Variants in XKR6 observed in about 807,000 individuals in gnomAD.
XKR6 encodes XK-related protein 6.
Under a neutral mutation model 56.7 loss-of-function variants are expected in XKR6, and 22 were observed. The observed-to-expected ratio is 0.39, with a 90% CI of 0.28 to 0.55. XKR6 has a LOEUF of 0.55. XKR6 is among the 20% of genes least tolerant of loss of function. The probability of loss-of-function intolerance (pLI) is 0.66; values close to 1 mark genes in which losing one functional copy is unlikely to be tolerated. For missense variants in XKR6, 852 were observed against 889.0 expected, an observed-to-expected ratio of 0.96 and a Z score of 0.53; for synonymous variants, 524 against 387.8, an observed-to-expected ratio of 1.35 and a Z score of -4.13.
At chr8:11,070,343 A>G (rs1800084513) in intron 1 of XKR6, among the ~76,000 whole-genome samples, 1 of 152,222 alleles carries the variant, frequency 6.6e-6, no homozygotes, top group South Asian at 2.1e-4. Context: ...CACTTCACTG[A>G]AAAAAATATT....
intron 1 of XKR6, chr8:11,195,063 TATCTCTGTCTCA>T (rs1186039293): frequency 4.3e-6 from 3 of 692,590 alleles, no homozygotes; most frequent in Non-Finnish European, 7.9e-6. Flanking sequence ...CTGGAGGAAG[TATCTCTGTCTCA>T]ATTTAACCCA....
intron 1 of XKR6, among the ~76,000 whole-genome samples, chr8:10,978,354 A>G (rs925658595): frequency 3.3e-5 from 5 of 152,242 alleles, no homozygotes; most frequent in African/African-American, 1.2e-4. Context: ...GAGAAACTTA[A>G]TATAACATTC....
At chr8:10,942,713 A>C (rs1476064332) in intron 1 of XKR6, among the ~76,000 whole-genome samples, 1 of 152,190 alleles carries the variant, frequency 6.6e-6, no homozygotes, top group Non-Finnish European at 1.5e-5. Flanking sequence ...TTGCCGCCAA[A>C]GCACTCGCGA....
At position 11,115,711 on chromosome 8, in the gene XKR6, G is replaced by C. The variant is rs183170537; in HGVS notation, c.764+84865C>G. On this transcript the variant is annotated intron_variant, in intron 1 of 2. Transcript: ENST00000416569. Reference sequence around the variant, plus strand: ...TTCATCTTAACCCATTTCTGCCTAGGGTCCCATTACTGCAACGCTAAGCTT... The same window carrying C: ...TTCATCTTAACCCATTTCTGCCTAGCGTCCCATTACTGCAACGCTAAGCTT... Among the ~76,000 whole-genome samples, 762 of 152,150 alleles carry C rather than the reference G, an allele frequency of 5.0e-3. 3 individuals carry two copies. Among genetic ancestry groups the C allele is most frequent in the Non-Finnish European group, 8.4e-3 (570 of 68,014 alleles).
chr8:11,187,417 G>A (rs896121877), intron 1 of XKR6, among the ~76,000 whole-genome samples: 1 of 152,126 alleles, frequency 6.6e-6, no homozygotes, highest in Non-Finnish European at 1.5e-5. Flanking sequence ...CACCATCGCT[G>A]ATTCAAAAAC....
At chr8:11,019,802 C>G (rs572592933) in intron 1 of XKR6, among the ~76,000 whole-genome samples, 16 of 152,178 alleles carry the variant, frequency 1.1e-4, no homozygotes, top group Non-Finnish European at 2.1e-4. Flanking sequence ...ATCAGGCACC[C>G]GTGAGGCTCA....
chr8:11,011,473 GTTCA>G (rs779106417), intron 1 of XKR6, among the ~76,000 whole-genome samples: 2 of 152,154 alleles, frequency 1.3e-5, no homozygotes, highest in African/African-American at 4.8e-5. Flanking sequence ...TTTTTTATTT[GTTCA>G]TTCATTCATT....
intron 1 of XKR6, chr8:11,174,915 T>G (rs1415072322): frequency 6.6e-6 from 1 of 152,184 alleles, no homozygotes; most frequent in Non-Finnish European, 1.5e-5. Context: ...TCCACAGTAA[T>G]TTAGAATTAC....
Position 11,063,782 on chromosome 8 carries a change from C to G in XKR6, c.764+136794G>C, listed in dbSNP as rs150091858. 1.4e-3 allele frequency among the ~76,000 whole-genome samples: 215 copies of G among 152,286 alleles called. 2 individuals carry two copies. The highest frequency in any genetic ancestry group is 4.9e-3 in the African/African-American group (203 of 41,564). ...ACATTTTTTGGAATCCCCCCATTCT[C>G]TTTCCCACCTGCAACTTGCACCTGG... On this transcript the variant is annotated intron_variant, in intron 1 of 2. Transcript: ENST00000416569.
chr8:11,050,719 G>A (rs1417500398), intron 1 of XKR6, among the ~76,000 whole-genome samples: 5 of 152,068 alleles, frequency 3.3e-5, no homozygotes, highest in South Asian at 2.1e-4. Flanking sequence ...AAGGGCTTCC[G>A]TTTTCTACCA....
chr8:11,170,236 T>C (rs755210998), intron 1 of XKR6, among the ~76,000 whole-genome samples: 5 of 152,214 alleles, frequency 3.3e-5, no homozygotes, highest in African/African-American at 4.8e-5. Context: ...ACACAAAGCC[T>C]TGTTACAGGA....
intron 1 of XKR6, among the ~76,000 whole-genome samples, chr8:10,984,730 C>CTATATATATATATATATATATA (rs1292575640): frequency 1.3e-4 from 8 of 63,672 alleles, no homozygotes; most frequent in Non-Finnish European, 2.7e-4. Context: ...CTCTCTCTCT[C>CTATATATATATATATATATATA]TCTATATATA....
chr8:11,102,706 G>A (rs1023626672), intron 1 of XKR6, among the ~76,000 whole-genome samples: 1 of 152,140 alleles, frequency 6.6e-6, no homozygotes, highest in Non-Finnish European at 1.5e-5. Context: ...GTTTCCATCA[G>A]GCAAGAGGAA....
At chr8:10,978,994 A>G (rs1319323002) in intron 1 of XKR6, among the ~76,000 whole-genome samples, 1 of 152,002 alleles carries the variant, frequency 6.6e-6, no homozygotes, top group African/African-American at 2.4e-5. Context: ...GCCCAGACCC[A>G]TCTGTCCACC....
In XKR6 at chr8:11,187,881, G is replaced by C. The variant is rs574125423; in HGVS notation, c.764+12695C>G. 7.2e-5 allele frequency among the ~76,000 whole-genome samples: 11 copies of C among 152,296 alleles called. No homozygotes were observed. In the South Asian group the frequency reaches 1.9e-3, roughly 26 times the overall value. On this transcript the variant is annotated intron_variant, in intron 1 of 2. Transcript: ENST00000416569. ...ATGAACATGTCCCAGGATAAAATAA[G>C]GCCCCTACAATCATCTGAGTATAAT...
chr8:11,037,782 C>A lies in XKR6; in HGVS notation c.765-112952G>T, dbSNP rs545590742. Among the ~76,000 whole-genome samples, 6 of 151,530 alleles carry A rather than the reference C, an allele frequency of 4.0e-5. No homozygotes were observed. The South Asian group carries it at 1.0e-3, about 26-fold the overall frequency. On this transcript the variant is annotated intron_variant, in intron 1 of 2. Transcript: ENST00000416569. ...CTAAGGCAGGAGATTCGTTTGAACCCAGAAGGCAGAGCTTGCACTGAGCCG... is the reference window on the plus strand; with the variant it reads ...CTAAGGCAGGAGATTCGTTTGAACCAAGAAGGCAGAGCTTGCACTGAGCCG...
intron 1 of XKR6, among the ~76,000 whole-genome samples, chr8:11,002,745 A>C (rs6601546): frequency 0.48 from 72,992 of 152,178 alleles, 22,281 homozygotes; most frequent in African/African-American, 0.86. Flanking sequence ...ACCATCATAG[A>C]CAAGGTGCGG....
chr8:11,010,029 A>C (rs1282980604), intron 1 of XKR6, among the ~76,000 whole-genome samples: 1 of 152,240 alleles, frequency 6.6e-6, no homozygotes, highest in East Asian at 1.9e-4. Context: ...TTTATAAAGA[A>C]GAGAGGTTTA....
At chr8:10,979,881 C>T (rs1387395443) in intron 1 of XKR6, among the ~76,000 whole-genome samples, 1 of 152,196 alleles carries the variant, frequency 6.6e-6, no homozygotes, top group Non-Finnish European at 1.5e-5. Context: ...GTCTCTGGTC[C>T]TCTTGGTGTT....
Sources: allele counts gnomAD v4.1 joint callset (sites outside exome capture counted in the v4.1 genomes callset), GRCh38; gene constraint gnomAD v4.1.1; transcripts MANE v1.5; gene names NCBI Gene and HGNC (gene_info 2026-07-23, HGNC 2026-07-21).